PLXNA4: variants seen among roughly 807,000 people sequenced by gnomAD.
PLXNA4 encodes the protein plexin A4.
A neutral mutation model predicts 191.8 loss-of-function variants in PLXNA4; 44 were observed. That is an observed-to-expected ratio of 0.23 (90% CI 0.18 to 0.29). The LOEUF (loss-of-function observed/expected upper bound fraction) is 0.29. Among genes scored for constraint, PLXNA4 ranks in the 10% least tolerant of loss-of-function variants. PLXNA4 has a pLI of 1.00. For missense variants in PLXNA4, 1,800 were observed against 2,488.8 expected, an observed-to-expected ratio of 0.72 and a Z score of 5.89; for synonymous variants, 1,082 against 1,009.5, an observed-to-expected ratio of 1.07 and a Z score of -1.36.
intron 3 of PLXNA4, among the ~76,000 whole-genome samples, chr7:132,415,346 G>A (rs1282245463): frequency 1.3e-5 from 2 of 152,244 alleles, no homozygotes; most frequent in African/African-American, 2.4e-5. Context: ...ACGTGTGTGT[G>A]TGCACGGGTA....
intron 3 of PLXNA4, among the ~76,000 whole-genome samples, chr7:132,357,778 G>C (rs1803770463): frequency 6.6e-6 from 1 of 152,170 alleles, no homozygotes; most frequent in Non-Finnish European, 1.5e-5. Flanking sequence ...CTCTTCAGGG[G>C]ATTTTACTGC....
chr7:132,422,304 A>G (rs1243995524), intron 3 of PLXNA4, among the ~76,000 whole-genome samples: 1 of 152,212 alleles, frequency 6.6e-6, no homozygotes, highest in Non-Finnish European at 1.5e-5. Context: ...GCAAGAGGGG[A>G]GAAGATGAAC....
At chr7:132,582,067 C>A (rs1159761393), upstream of PLXNA4, among the ~76,000 whole-genome samples, 2 of 152,134 alleles carry the variant, frequency 1.3e-5, no homozygotes, top group African/African-American at 4.8e-5. Context: ...GGAGAAATAC[C>A]TCAGTGTAAC....
chr7:132,237,727 T>G (rs1472060898), intron 5 of PLXNA4, among the ~76,000 whole-genome samples: 1 of 152,234 alleles, frequency 6.6e-6, no homozygotes, highest in Non-Finnish European at 1.5e-5. Context: ...CCTCTTTTTA[T>G]CCTCGTGCCA....
intron 3 of PLXNA4, among the ~76,000 whole-genome samples, chr7:132,367,051 A>G (rs1379157897): frequency 3.3e-5 from 5 of 152,230 alleles, no homozygotes; most frequent in African/African-American, 4.8e-5. Flanking sequence ...GATTACAGGC[A>G]TGAGCCACTG....
intron 17 of PLXNA4, 65 bp from the exon 18 acceptor site, chr7:132,181,685 A>G: frequency 2.5e-6 from 4 of 1,584,462 alleles, no homozygotes; most frequent in Non-Finnish European, 3.4e-6. Flanking sequence ...CCCAGTGCAC[A>G]TAGTGGGCCT....
Position 132,130,005 on chromosome 7 carries a change from T to C in PLXNA4, c.*474A>G, listed in dbSNP as rs1052313033. 4 of 166,806 alleles carry C rather than the reference T, an allele frequency of 2.4e-5. No individual in the cohort carries two copies. Among genetic ancestry groups the C allele is most frequent in the Admixed American group, 1.7e-4 (3 of 17,606 alleles). 10.3% of individuals were successfully genotyped at this position (166,806 alleles called of 1,614,324 possible). On this transcript the variant is annotated 3_prime_UTR_variant, in exon 32 of 32. Coordinates refer to ENST00000321063, the MANE Select transcript of PLXNA4 (RefSeq NM_020911.2). ...TGTGGGAAGGGAGAGCCAGGTGATG[T>C]CTTCCCAGTAAAGATAATACTGAAG...
chr7:132,621,101 TC>T (rs1160948851), intron 2 of PLXNA4, among the ~76,000 whole-genome samples: 1 of 152,168 alleles, frequency 6.6e-6, no homozygotes, highest in African/African-American at 2.4e-5. Context: ...CACTAGGGCT[TC>T]AACATATGAA....
chr7:132,644,734 A>G (rs1803832615), intron 2 of PLXNA4, among the ~76,000 whole-genome samples: 1 of 152,224 alleles, frequency 6.6e-6, no homozygotes, highest in Non-Finnish European at 1.5e-5. Flanking sequence ...GTGGTTGGAA[A>G]GAATATATGA....
chr7:132,221,355 C>T (rs1027771923), intron 9 of PLXNA4, among the ~76,000 whole-genome samples: 8 of 152,320 alleles, frequency 5.3e-5, no homozygotes, highest in Non-Finnish European at 1.2e-4. Context: ...TGGGCCTCTC[C>T]GCACATAGAA....
At chr7:132,579,540 T>C (rs962284079), upstream of PLXNA4, among the ~76,000 whole-genome samples, 13 of 151,528 alleles carry the variant, frequency 8.6e-5, no homozygotes, top group South Asian at 2.1e-4. Context: ...TTTTTTTTTT[T>C]CCAGAGGTGG....
At position 132,185,330 on chromosome 7, in the gene PLXNA4, C is replaced by T. The variant is rs117458710; in HGVS notation, c.3127G>A (p.Val1043Met). The part of the protein sequence containing the change: ...VFQYVEDPTI[V>M]RIEPEWSIVS... ...ATGCTCCATTCTGGCTCAATCCGCA[C>T]GATGGTGGGGTCTTCCACATACTGA... is the stretch of plus-strand genomic sequence containing the variant. The change falls in exon 16 of 32, where the codon GTG becomes ATG. Residue 1043 changes from valine to methionine, a missense_variant. Physicochemically the swap from Val to Met is conservative, Grantham distance 21. Coordinates refer to ENST00000321063, the MANE Select transcript of PLXNA4 (RefSeq NM_020911.2). 7.2e-3 allele frequency: 11,565 copies of T among 1,613,762 alleles called. 55 individuals are homozygous for T. Among genetic ancestry groups the T allele is most frequent in the Non-Finnish European group, 8.6e-3 (10,115 of 1,179,852 alleles).
At chr7:132,344,569 C>A (rs1455626162) in intron 3 of PLXNA4, among the ~76,000 whole-genome samples, 1 of 151,594 alleles carries the variant, frequency 6.6e-6, no homozygotes, top group Non-Finnish European at 1.5e-5. Context: ...CATCCACATC[C>A]CTCCCCTTTC....
Position 132,241,150 on chromosome 7 carries a change from A to G in PLXNA4, c.1520T>C (p.Val507Ala). ...MSERQLTRVP[V>A]ESCGQYQSCG... is the part of the protein sequence containing the mutation. ...GCTCTGATACTGACCACAGGACTCC[A>G]CAGGGACTCTGGTGAGCTAGGACAG... Residue 507 changes from valine (V) to alanine (A), a missense_variant, in exon 5 of 32, where the codon GTG (valine) becomes GCG (alanine). This residue lies in a region of PLXNA4 where 1,397 missense variants were observed against 1,880.4 expected (regional missense o/e 0.74). Coordinates refer to ENST00000321063, the MANE Select transcript of PLXNA4 (RefSeq NM_020911.2). 1 of 1,612,392 alleles carries G rather than the reference A, an allele frequency of 6.2e-7. No homozygotes were observed.
Position 132,494,665 on chromosome 7 carries a change from T to C in PLXNA4, c.1189-5191A>G, listed in dbSNP as rs572178240. The stretch of plus-strand genomic sequence containing the variant: ...CTAATAGCTTATGGCGCTTCCCTCG[T>C]GCACCGCAGCAAAGGTTACCGTGCA... On this transcript the variant is annotated intron_variant, in intron 2 of 31. Transcript: ENST00000321063. Among the ~76,000 whole-genome samples the C allele has an allele frequency of 9.8e-5, 15 of 152,302 alleles. No individual in the cohort carries two copies. In the East Asian group the frequency reaches 2.9e-3, roughly 29 times the overall value.
At chr7:132,344,311 C>A (rs370077647) in intron 3 of PLXNA4, among the ~76,000 whole-genome samples, 2 of 152,130 alleles carry the variant, frequency 1.3e-5, no homozygotes, top group East Asian at 3.9e-4. Context: ...CAGATATTAT[C>A]ATTTTCTACA....
At chr7:132,481,356 G>A (rs1392329599) in intron 3 of PLXNA4, among the ~76,000 whole-genome samples, 1 of 152,016 alleles carries the variant, frequency 6.6e-6, no homozygotes, top group African/African-American at 2.4e-5. Flanking sequence ...TCAGGGAGGT[G>A]ACCTACCCTA....
intron 24 of PLXNA4, 106 bp downstream of exon 24, chr7:132,164,036 G>A: frequency 1.3e-6 from 2 of 1,520,336 alleles, no homozygotes; most frequent in Non-Finnish European, 8.9e-7. Context: ...GACACACCTG[G>A]AGAGGCAGCT....
chr7:132,607,812 C>T (rs2116848941), intron 2 of PLXNA4, among the ~76,000 whole-genome samples: 1 of 152,206 alleles, frequency 6.6e-6, no homozygotes, highest in South Asian at 2.1e-4. Flanking sequence ...TCACTATCAC[C>T]ATCACTGCCA....
Sources: gnomAD v4.1 joint callset for allele counts (sites outside exome capture counted in the v4.1 genomes callset) on GRCh38, gnomAD v4.1.1 for gene constraint, gnomAD v4.1.1 regional missense constraint, MANE v1.5 for transcripts, NCBI Gene and HGNC (gene_info 2026-07-23, HGNC 2026-07-21) for gene names.